The following NFATC2 variants were observed in gnomAD, a reference collection of about 807,000 sequenced individuals.
NFATC2 encodes nuclear factor of activated T cells 2.
In NFATC2, 22 loss-of-function variants were observed where a neutral mutation model predicts 87.3. The observed-to-expected ratio is 0.25, with a 90% confidence interval of 0.18 to 0.36. The LOEUF is 0.36. Ranked by LOEUF, NFATC2 falls within the 10% of genes least tolerant of loss-of-function variation. NFATC2 has a pLI of 1.00. For synonymous variants in NFATC2, 565 were observed against 542.2 expected, an observed-to-expected ratio of 1.04 and a Z score of -0.58; for missense variants, 1,149 against 1,259.1, an observed-to-expected ratio of 0.91 and a Z score of 1.32.
chr20:51,542,898 C>G (rs1272277125), upstream of NFATC2, among the ~76,000 whole-genome samples: 1 of 152,018 alleles, frequency 6.6e-6, no homozygotes, highest in Non-Finnish European at 1.5e-5. Flanking sequence ...CCACACTGTC[C>G]CGGGCCACCG....
chr20:51,414,631 G>A lies in NFATC2; in HGVS notation c.2723-15901C>T, dbSNP rs375262803. On this transcript the variant is annotated intron_variant, in intron 9 of 10. Transcript: ENST00000371564. ...CTGAACCCAGGAGGCAGAGGTTGCA[G>A]TGAGCAGAGATTGTGCCACTGCACT... 5.9e-5 allele frequency among the ~76,000 whole-genome samples: 9 copies of A among 152,214 alleles called. No individual in the cohort carries two copies. The South Asian group carries it at 8.3e-4, about 14-fold the overall frequency.
intron 10 of NFATC2, among the ~76,000 whole-genome samples, chr20:51,396,823 T>G (rs1600646745): frequency 6.6e-6 from 1 of 152,278 alleles, no homozygotes; most frequent in East Asian, 1.9e-4. Context: ...CTCTGGGATC[T>G]TCTGCCTTTG....
chr20:51,513,678 C>G (rs1358180927), intron 3 of NFATC2, among the ~76,000 whole-genome samples: 1 of 152,226 alleles, frequency 6.6e-6, no homozygotes, highest in South Asian at 2.1e-4. Context: ...GAGCCTCACT[C>G]CTCATGCAGC....
At chr20:51,525,509 G>A (rs908422207) in intron 1 of NFATC2, among the ~76,000 whole-genome samples, 1 of 151,932 alleles carries the variant, frequency 6.6e-6, no homozygotes, top group Non-Finnish European at 1.5e-5. Context: ...AAATTCCCAC[G>A]GAGTTAGTGC....
At chr20:51,530,904 T>G (rs2076622848) in intron 1 of NFATC2, among the ~76,000 whole-genome samples, 1 of 152,214 alleles carries the variant, frequency 6.6e-6, no homozygotes, top group Non-Finnish European at 1.5e-5. Context: ...CACTCGTCTG[T>G]CTACCCTCTA....
chr20:51,524,203 G>A lies in NFATC2; in HGVS notation c.131-93C>T, dbSNP rs766958498. Reference sequence around the variant, plus strand: ...CACAGGCTGGATTTCGTCTCACGTCGTTTATTTTTTTCAAATTCCCACCAT... The same window carrying A: ...CACAGGCTGGATTTCGTCTCACGTCATTTATTTTTTTCAAATTCCCACCAT... On this transcript the variant is annotated intron_variant, in intron 1 of 10. Coordinates refer to ENST00000371564, the MANE Select transcript of NFATC2 (RefSeq NM_012340.5). The surrounding 1 kb of genome is among the most constrained non-coding windows in gnomAD (Gnocchi z 4.0). 133 of 1,214,426 alleles carry A rather than the reference G, an allele frequency of 1.1e-4. No individual in the cohort carries two copies. Among genetic ancestry groups the A allele is most frequent in the Non-Finnish European group, 1.3e-4 (123 of 931,356 alleles). 75.2% of individuals were successfully genotyped at this position (1,214,426 alleles called of 1,614,324 possible). A position where few individuals can be genotyped will look rare whatever the true frequency, so the allele number is the denominator to read the frequency against.
At chr20:51,430,156 G>C (rs953684449) in intron 9 of NFATC2, among the ~76,000 whole-genome samples, 3 of 152,138 alleles carry the variant, frequency 2.0e-5, no homozygotes, top group South Asian at 4.1e-4. Flanking sequence ...GGTAGGAGAG[G>C]CCAGTGTGTT....
chr20:51,413,155 G>C (rs1342028757), intron 9 of NFATC2, among the ~76,000 whole-genome samples: 1 of 151,914 alleles, frequency 6.6e-6, no homozygotes, highest in East Asian at 1.9e-4. Flanking sequence ...GGCTGGAGGT[G>C]AGAAATCGAT....
intron 9 of NFATC2, among the ~76,000 whole-genome samples, chr20:51,416,041 C>T (rs147938384): frequency 2.1e-4 from 32 of 152,068 alleles, no homozygotes; most frequent in African/African-American, 7.7e-4. Context: ...GTGGGTGGAT[C>T]ACTTGATGTC....
chr20:51,396,651 C>T (rs1205258779), intron 10 of NFATC2, among the ~76,000 whole-genome samples: 2 of 149,532 alleles, frequency 1.3e-5, no homozygotes, highest in Non-Finnish European at 2.9e-5. Context: ...CTGCATTCTC[C>T]AGGCCAAATC....
chr20:51,393,639 A>G (rs1478214459), intron 10 of NFATC2, among the ~76,000 whole-genome samples: 1 of 152,180 alleles, frequency 6.6e-6, no homozygotes, highest in Non-Finnish European at 1.5e-5. Flanking sequence ...TGCAGGGGTG[A>G]TAAGCTGACC....
At position 51,404,822 on chromosome 20, in the gene NFATC2, T is replaced by A. The variant is rs561821210; in HGVS notation, c.2723-6092A>T. Among the ~76,000 whole-genome samples the A allele has an allele frequency of 2.0e-5, 3 of 152,308 alleles. No individual in the cohort carries two copies. In the South Asian group the frequency reaches 6.2e-4, roughly 32 times the overall value. On this transcript the variant is annotated intron_variant, in intron 9 of 10. Coordinates refer to ENST00000371564, the MANE Select transcript of NFATC2 (RefSeq NM_012340.5). ...CGCAGACAGCTTTGGGCCGGCGACC[T>A]GCAGAGCAGCGTGAGTCACTGACGC...
Position 51,473,837 on chromosome 20 carries a change from C to A in NFATC2, c.1708+143G>T, listed in dbSNP as rs138089105. ...GTGCTCTGTCTCTGTCCCCTCTGGTCATCTTGGGCCAGTGTAACCCTGTGG... is the reference window on the plus strand; with the variant it reads ...GTGCTCTGTCTCTGTCCCCTCTGGTAATCTTGGGCCAGTGTAACCCTGTGG... On this transcript the variant is annotated intron_variant, in intron 5 of 10. Transcript: ENST00000371564. 155 of 751,462 alleles carry A rather than the reference C, an allele frequency of 2.1e-4. No individual in the cohort carries two copies. In the African/African-American group the frequency reaches 2.5e-3, roughly 12 times the overall value. The allele number at this position is 751,462 out of a possible 1,614,324, so 46.5% of individuals were successfully genotyped here. A position where few individuals can be genotyped will look rare whatever the true frequency, so the allele number is the denominator to read the frequency against.
intron 1 of NFATC2, among the ~76,000 whole-genome samples, chr20:51,541,931 G>A (rs1337713436): frequency 6.6e-6 from 1 of 152,052 alleles, no homozygotes; most frequent in Admixed American, 6.5e-5. Context: ...GGGTTCAGCT[G>A]CACCCCCCTT....
At position 51,480,735 on chromosome 20, in the gene NFATC2, A is replaced by G. The variant is rs1378844705; in HGVS notation, c.1333-5075T>C. On this transcript the variant is annotated intron_variant, in intron 3 of 10. Coordinates refer to ENST00000371564, the MANE Select transcript of NFATC2 (RefSeq NM_012340.5). This position sits in a 1 kb window ranked among gnomAD's most constrained non-coding sequence, Gnocchi z 4.2. ...AGATAAAAAGGAGACATCACCCCCC[A>G]CCCTGCAGGCCTCTTCTGAAAGGCG... Among the ~76,000 whole-genome samples the G allele has an allele frequency of 6.6e-6, 1 of 151,904 alleles. No homozygotes were observed. The highest frequency in any genetic ancestry group is 1.5e-5 in the Non-Finnish European group (1 of 67,974).
chr20:51,431,993 T>C (rs1000682408), intron 9 of NFATC2, 74 bp downstream of exon 9: 3 of 1,423,600 alleles, frequency 2.1e-6, no homozygotes, highest in African/African-American at 2.9e-5. Context: ...CCGTAGGCCA[T>C]GCAGTGAACT....
In NFATC2 at chr20:51,397,043, C is replaced by CA. The variant is rs1987263089; in HGVS notation, c.*44+1599dup. Among the ~76,000 whole-genome samples, 4 of 34,540 alleles carry CA rather than the reference C, an allele frequency of 1.2e-4. No homozygotes were observed. In the South Asian group the frequency reaches 2.3e-3, roughly 20 times the overall value. The allele number at this position is 34,540 out of a possible 152,430, so 22.7% of individuals were successfully genotyped here. ...GCCTCAACCTCCTAAGGGAACCTGC[C>CA]ACCATGGCCCGGCTAATTTTTGTAT... On this transcript the variant is annotated intron_variant, in intron 10 of 10. Transcript: ENST00000371564.
chr20:51,411,300 G>C (rs1484060065), intron 9 of NFATC2, among the ~76,000 whole-genome samples: 1 of 152,078 alleles, frequency 6.6e-6, no homozygotes, highest in Non-Finnish European at 1.5e-5. Flanking sequence ...TAATAGTAAA[G>C]ACAGAAGCTT....
intron 1 of NFATC2, among the ~76,000 whole-genome samples, chr20:51,551,333 T>C (rs1040892157): frequency 3.3e-5 from 5 of 152,212 alleles, no homozygotes; most frequent in Non-Finnish European, 7.4e-5. Flanking sequence ...TAACAGTCCA[T>C]GTGAGCCACA....
Sources: allele counts gnomAD v4.1 joint callset (sites outside exome capture counted in the v4.1 genomes callset), GRCh38; gene constraint gnomAD v4.1.1; non-coding constraint Gnocchi (gnomAD v3.1); transcripts MANE v1.5; gene names NCBI Gene and HGNC (gene_info 2026-07-23, HGNC 2026-07-21).